The following PEBP4 variants were observed in gnomAD, a reference collection of about 807,000 sequenced individuals.
The protein encoded by PEBP4 is phosphatidylethanolamine binding protein 4.
A neutral mutation model predicts 23.9 loss-of-function variants in PEBP4; 22 were observed. That is an observed-to-expected ratio of 0.92 (90% CI 0.66 to 1.31). The LOEUF is 1.31. PEBP4 is among the 40% of genes most tolerant of loss of function. PEBP4 has a pLI of 0.00. For missense variants in PEBP4, 324 were observed against 281.7 expected (o/e 1.15, Z -1.07); for synonymous variants, 112 against 99.3 (o/e 1.13, Z -0.76).
intron 3 of PEBP4, among the ~76,000 whole-genome samples, chr8:22,911,980 C>A (rs1808947269): frequency 2.6e-5 from 4 of 152,106 alleles, no homozygotes; most frequent in Admixed American, 2.6e-4. Context: ...GAGCGTGCAC[C>A]CTGCCTGCCT....
chr8:22,923,209 T>C lies in PEBP4; in HGVS notation c.132-2899A>G, dbSNP rs145194870. 2.8e-3 allele frequency among the ~76,000 whole-genome samples: 431 copies of C among 152,296 alleles called. 2 individuals are homozygous for C. The highest frequency in any genetic ancestry group is 9.6e-3 in the African/African-American group (399 of 41,566). On this transcript the variant is annotated intron_variant, in intron 2 of 6. Transcript: ENST00000256404. ...GCACCACACGTTTTCCCTAGTGAGCTGTTTCATTCCTCCAGGCTTCAGTTT... is the reference window on the plus strand; with the variant it reads ...GCACCACACGTTTTCCCTAGTGAGCCGTTTCATTCCTCCAGGCTTCAGTTT...
At chr8:22,726,392 TGTGCGGACAA>T (rs1240525181) in intron 5 of PEBP4, among the ~76,000 whole-genome samples, 1 of 152,230 alleles carries the variant, frequency 6.6e-6, no homozygotes, top group Non-Finnish European at 1.5e-5. Flanking sequence ...ACCTCAGTTC[TGTGCGGACAA>T]GTCTGAAGTG....
At chr8:22,904,251 C>A (rs887746123) in intron 3 of PEBP4, among the ~76,000 whole-genome samples, 1 of 152,172 alleles carries the variant, frequency 6.6e-6, no homozygotes, top group Non-Finnish European at 1.5e-5. Context: ...CTCTCCGTAC[C>A]TGGAAGAGGA....
At chr8:22,796,087 C>T (rs1806252970) in intron 4 of PEBP4, among the ~76,000 whole-genome samples, 1 of 152,174 alleles carries the variant, frequency 6.6e-6, no homozygotes, top group African/African-American at 2.4e-5. Flanking sequence ...TCCAATATGG[C>T]GGACACTCGA....
At chr8:22,893,020 G>A (rs767262428) in intron 3 of PEBP4, among the ~76,000 whole-genome samples, 1 of 152,168 alleles carries the variant, frequency 6.6e-6, no homozygotes, top group Non-Finnish European at 1.5e-5. Flanking sequence ...ATTGCAGAAG[G>A]TCCTCTTTGA....
chr8:22,820,652 GGTAAAGTATCA>G (rs1806840127), intron 3 of PEBP4, among the ~76,000 whole-genome samples: 1 of 152,194 alleles, frequency 6.6e-6, no homozygotes. Context: ...CTCAAAGGCA[GGTAAAGTATCA>G]GTAAAGTATC....
At chr8:22,792,683 G>T (rs1310410334) in intron 4 of PEBP4, among the ~76,000 whole-genome samples, 2 of 152,052 alleles carry the variant, frequency 1.3e-5, no homozygotes, top group Non-Finnish European at 2.9e-5. Flanking sequence ...GAACACTCGT[G>T]GAATTTCTAC....
intron 3 of PEBP4, chr8:22,896,357 G>A (rs1808589723): frequency 6.6e-6 from 1 of 152,202 alleles, no homozygotes; most frequent in Non-Finnish European, 1.5e-5. Flanking sequence ...GCAGTGTTCA[G>A]TGGGGTATTA....
intron 4 of PEBP4, among the ~76,000 whole-genome samples, chr8:22,807,651 C>T (rs529039910): frequency 7.9e-5 from 12 of 152,192 alleles, no homozygotes; most frequent in African/African-American, 1.2e-4. Context: ...CTTTTAATTA[C>T]GCTGTTCCTT....
chr8:22,918,925 G>GCACA (rs1809137218), intron 3 of PEBP4, among the ~76,000 whole-genome samples: 2 of 139,950 alleles, frequency 1.4e-5, no homozygotes, highest in African/African-American at 2.6e-5. Context: ...GCAAGTGTGT[G>GCACA]TGTGCACATG....
intron 3 of PEBP4, among the ~76,000 whole-genome samples, chr8:22,853,044 G>T (rs1211109580): frequency 6.6e-6 from 1 of 152,170 alleles, no homozygotes; most frequent in East Asian, 1.9e-4. Flanking sequence ...GGACTGAGGG[G>T]TCACTCACCT....
At chr8:22,882,366 A>C (rs1808278093) in intron 3 of PEBP4, among the ~76,000 whole-genome samples, 1 of 152,222 alleles carries the variant, frequency 6.6e-6, no homozygotes, top group Middle Eastern at 3.2e-3. Flanking sequence ...TGCACTGAGC[A>C]GAGGGGGGCG....
At chr8:22,757,060 G>C (rs1805398878) in intron 4 of PEBP4, 1 of 152,276 alleles carries the variant, frequency 6.6e-6, no homozygotes, top group Non-Finnish European at 1.5e-5. Context: ...ACAGTTCATG[G>C]AGAAACACAA....
At chr8:22,925,999 A>T (rs1809319780) in intron 2 of PEBP4, among the ~76,000 whole-genome samples, 1 of 152,166 alleles carries the variant, frequency 6.6e-6, no homozygotes, top group African/African-American at 2.4e-5. Flanking sequence ...TTTTTGAGAC[A>T]GAGTCTTGGT....
intron 4 of PEBP4, among the ~76,000 whole-genome samples, chr8:22,740,713 C>T (rs1477678532): frequency 6.6e-6 from 1 of 152,194 alleles, no homozygotes; most frequent in Non-Finnish European, 1.5e-5. Context: ...CACCCTTCCC[C>T]CTGTGGCCCC....
intron 4 of PEBP4, among the ~76,000 whole-genome samples, chr8:22,730,432 T>A (rs1472092373): frequency 6.6e-6 from 1 of 152,242 alleles, no homozygotes; most frequent in African/African-American, 2.4e-5. Context: ...TCTCAGCTAT[T>A]CAGGGGACTG....
intron 3 of PEBP4, among the ~76,000 whole-genome samples, chr8:22,834,272 G>A (rs1807153260): frequency 6.6e-6 from 1 of 152,234 alleles, no homozygotes. Context: ...CTTCTTCCTG[G>A]GGGAGGTTGA....
At position 22,772,454 on chromosome 8, in the gene PEBP4, A is replaced by C. The variant is rs1402567527; in HGVS notation, c.357+45183T>G. 4.0e-5 allele frequency among the ~76,000 whole-genome samples: 6 copies of C among 149,722 alleles called. No individual in the cohort carries two copies. The East Asian group carries it at 9.7e-4, about 24-fold the overall frequency. On this transcript the variant is annotated intron_variant, in intron 4 of 6. Transcript: ENST00000256404. ...TTTTATTTAATTAAATCCTCACAACAACCTTGTGGGGCAGGGCAGGTATTC... is the reference window on the plus strand; with the variant it reads ...TTTTATTTAATTAAATCCTCACAACCACCTTGTGGGGCAGGGCAGGTATTC...
intron 4 of PEBP4, among the ~76,000 whole-genome samples, chr8:22,778,274 C>A (rs1585267375): frequency 6.6e-6 from 1 of 152,264 alleles, no homozygotes; most frequent in Non-Finnish European, 1.5e-5. Flanking sequence ...AAGTCCCCAA[C>A]TGCCCCCGGT....
Sources: gnomAD v4.1 joint callset for allele counts (sites outside exome capture counted in the v4.1 genomes callset) on GRCh38, gnomAD v4.1.1 for gene constraint, MANE v1.5 for transcripts, NCBI Gene and HGNC (gene_info 2026-07-23, HGNC 2026-07-21) for gene names.